Variants in PARD3B observed in about 807,000 individuals in gnomAD.
PARD3B encodes partitioning defective 3 homolog B.
PARD3B carries 103 observed loss-of-function variants against 130.2 expected under a neutral mutation model. The observed-to-expected ratio is 0.79, with a 90% CI of 0.67 to 0.93. PARD3B has a LOEUF of 0.93. Ranked by LOEUF, PARD3B falls within the 40% of genes least tolerant of loss-of-function variation. PARD3B has a pLI of 0.00. For synonymous variants in PARD3B, 583 were observed against 553.2 expected (o/e 1.05, Z -0.76); for missense variants, 1,609 against 1,499.2 (o/e 1.07, Z -1.21).
intron 4 of PARD3B, among the ~76,000 whole-genome samples, chr2:205,062,962 A>T (rs1285416913): frequency 6.6e-6 from 1 of 152,050 alleles, no homozygotes; most frequent in Non-Finnish European, 1.5e-5. Flanking sequence ...TTTCATTTTA[A>T]ATATAGTTGC....
At position 205,021,621 on chromosome 2, in the gene PARD3B, C is replaced by CT. The variant is rs1696612766; in HGVS notation, c.395-25960_395-25959insT. ...CTCTCTCTCTCTCTCTCTCTCTCTC[C>CT]CTCTCTCTTTCTCTCTCTCTCTCTC... On this transcript the variant is annotated intron_variant, in intron 3 of 22. Coordinates refer to ENST00000406610, the MANE Select transcript of PARD3B (RefSeq NM_001302769.2). The surrounding 1 kb of genome is among the most constrained non-coding windows in gnomAD (Gnocchi z 4.5). 7.8e-6 allele frequency among the ~76,000 whole-genome samples: 1 copy of CT among 127,960 alleles called. No homozygotes were observed. Among genetic ancestry groups the CT allele is most frequent in the Admixed American group, 8.3e-5 (1 of 11,998 alleles). The allele number at this position is 127,960 out of a possible 152,430, so 83.9% of individuals were successfully genotyped here. A position where few individuals can be genotyped will look rare whatever the true frequency, so the allele number is the denominator to read the frequency against.
rs377150452 is a variant in PARD3B at position 205,524,544 on chromosome 2, C to A, written c.3180+24513C>A. ...CTTCTTTTTGGCCCAGCCGTCTCGT[C>A]CTCTATTGCCTGTGGCTGTGTCTGC... On this transcript the variant is annotated intron_variant, in intron 21 of 22. Coordinates refer to ENST00000406610, the MANE Select transcript of PARD3B (RefSeq NM_001302769.2). Among the ~76,000 whole-genome samples, 7 of 152,288 alleles carry A rather than the reference C, an allele frequency of 4.6e-5. No individual in the cohort carries two copies. In the South Asian group the frequency reaches 8.3e-4, roughly 18 times the overall value.
intron 1 of PARD3B, among the ~76,000 whole-genome samples, chr2:204,603,907 T>A (rs1219917371): frequency 6.6e-6 from 1 of 152,200 alleles, no homozygotes; most frequent in Non-Finnish European, 1.5e-5. Flanking sequence ...CAAACTGAAG[T>A]GATATTATCT....
At chr2:204,889,284 C>A (rs963752216) in intron 2 of PARD3B, among the ~76,000 whole-genome samples, 3 of 152,170 alleles carry the variant, frequency 2.0e-5, no homozygotes, top group Non-Finnish European at 4.4e-5. Context: ...GATCTCGATT[C>A]TTCCTGCATT....
At chr2:205,284,400 T>C (rs556617478) in intron 16 of PARD3B, among the ~76,000 whole-genome samples, 2 of 152,240 alleles carry the variant, frequency 1.3e-5, no homozygotes, top group African/African-American at 2.4e-5. Context: ...ATATAGAAAA[T>C]AGAAATGTGT....
intron 18 of PARD3B, among the ~76,000 whole-genome samples, chr2:205,314,882 C>T (rs1403959689): frequency 6.6e-6 from 1 of 152,154 alleles, no homozygotes; most frequent in African/African-American, 2.4e-5. Context: ...TGCCAGGAAT[C>T]CCGTGATGTC....
At chr2:204,744,018 G>T (rs1574869757) in intron 2 of PARD3B, among the ~76,000 whole-genome samples, 1 of 152,252 alleles carries the variant, frequency 6.6e-6, no homozygotes, top group Non-Finnish European at 1.5e-5. Flanking sequence ...ACCTCACAAA[G>T]GGAAATGAAA....
At chr2:205,016,365 C>T (rs1696149303) in intron 3 of PARD3B, among the ~76,000 whole-genome samples, 1 of 152,126 alleles carries the variant, frequency 6.6e-6, no homozygotes, top group African/African-American at 2.4e-5. Flanking sequence ...GTTCTTCGTG[C>T]TCCAGCCACC....
chr2:205,485,992 A>G (rs1331903756), intron 20 of PARD3B, among the ~76,000 whole-genome samples: 3 of 152,168 alleles, frequency 2.0e-5, no homozygotes, highest in African/African-American at 7.2e-5. Flanking sequence ...CTCCCCAACT[A>G]GACTGTGAAA....
At chr2:204,717,973 A>G (rs1284469888) in intron 2 of PARD3B, among the ~76,000 whole-genome samples, 1 of 152,158 alleles carries the variant, frequency 6.6e-6, no homozygotes, top group Non-Finnish European at 1.5e-5. Context: ...TACATATATT[A>G]CATGTCTTTT....
At chr2:204,898,290 A>AT (rs1249771269) in intron 2 of PARD3B, among the ~76,000 whole-genome samples, 1 of 151,832 alleles carries the variant, frequency 6.6e-6, no homozygotes, top group African/African-American at 2.4e-5. Context: ...TGTAGCATTT[A>AT]TTTTTTTATG....
intron 2 of PARD3B, among the ~76,000 whole-genome samples, chr2:204,872,073 A>T (rs2045649674): frequency 6.6e-6 from 1 of 152,124 alleles, no homozygotes; most frequent in Non-Finnish European, 1.5e-5. Flanking sequence ...ACCTATTCTT[A>T]ACACTATTGA....
intron 1 of PARD3B, among the ~76,000 whole-genome samples, chr2:204,601,443 T>C (rs2033508721): frequency 6.6e-6 from 1 of 152,030 alleles, no homozygotes; most frequent in African/African-American, 2.4e-5. Flanking sequence ...AAAAGCTTAA[T>C]TGTGAAACCT....
At chr2:204,844,311 A>G (rs900365937) in intron 2 of PARD3B, among the ~76,000 whole-genome samples, 3 of 152,174 alleles carry the variant, frequency 2.0e-5, no homozygotes, top group South Asian at 2.1e-4. Flanking sequence ...ATTAAATTGT[A>G]GCAGGAAAAA....
intron 4 of PARD3B, among the ~76,000 whole-genome samples, chr2:205,076,893 A>G (rs1701099835): frequency 6.6e-6 from 1 of 152,152 alleles, no homozygotes; most frequent in Non-Finnish European, 1.5e-5. Flanking sequence ...TATTCCCTCC[A>G]TGAGTTCACA....
rs980504650 is a variant in PARD3B, at chr2:205,558,995, T to C, written c.3260+5592T>C. Among the ~76,000 whole-genome samples the C allele has an allele frequency of 3.9e-5, 6 of 152,246 alleles. No individual in the cohort carries two copies. Among genetic ancestry groups the C allele is most frequent in the Non-Finnish European group, 8.8e-5 (6 of 68,054 alleles). Reference sequence around the variant, plus strand: ...ACTTTGTTTTATACCCATCATTTGTTACACCCAGAACCTAACATAAGGCCA... The same window carrying C: ...ACTTTGTTTTATACCCATCATTTGTCACACCCAGAACCTAACATAAGGCCA... On this transcript the variant is annotated intron_variant, in intron 22 of 22. Transcript: ENST00000406610. The surrounding 1 kb of genome is among the most constrained non-coding windows in gnomAD (Gnocchi z 4.8).
chr2:204,571,721 T>C (rs1559162557), intron 1 of PARD3B, among the ~76,000 whole-genome samples: 1 of 152,234 alleles, frequency 6.6e-6, no homozygotes, highest in Non-Finnish European at 1.5e-5. Flanking sequence ...TAAATAGCAC[T>C]ATGTGTATTA....
intron 18 of PARD3B, among the ~76,000 whole-genome samples, chr2:205,391,234 G>A (rs2045848732): frequency 6.6e-6 from 1 of 152,242 alleles, no homozygotes; most frequent in South Asian, 2.1e-4. Flanking sequence ...GAAAAGGGAA[G>A]GAAAGAGGAA....
At chr2:205,398,020 C>T (rs1311549453) in intron 18 of PARD3B, among the ~76,000 whole-genome samples, 3 of 152,078 alleles carry the variant, frequency 2.0e-5, no homozygotes, top group African/African-American at 7.2e-5. Flanking sequence ...ATGTTCTGGC[C>T]GAGCACAGTG....
Sources: allele counts gnomAD v4.1 joint callset (sites outside exome capture counted in the v4.1 genomes callset), GRCh38; gene constraint gnomAD v4.1.1; non-coding constraint Gnocchi (gnomAD v3.1); transcripts MANE v1.5; gene names NCBI Gene and HGNC (gene_info 2026-07-23, HGNC 2026-07-21).